The following ZFAND2A variants were observed in gnomAD, a reference collection of about 807,000 sequenced individuals.
ZFAND2A encodes the protein AN1-type zinc finger protein 2A.
A neutral mutation model predicts 11.6 loss-of-function variants in ZFAND2A; 20 were observed. The ratio of observed to expected loss-of-function variants is 1.72; its 90% CI spans 1.21 to 2.50. The LOEUF is 2.50. Ranked by LOEUF, ZFAND2A falls within the 30% of genes most tolerant of loss-of-function variation. ZFAND2A has a pLI of 0.00. For synonymous variants in ZFAND2A, 93 were observed against 60.6 expected, an observed-to-expected ratio of 1.54 and a Z score of -2.48; for missense variants, 234 against 182.9, an observed-to-expected ratio of 1.28 and a Z score of -1.61.
chr7:1,152,828 A>G (rs1377712507), downstream of ZFAND2A: 15 of 653,758 alleles, frequency 2.3e-5, no homozygotes, highest in Non-Finnish European at 4.1e-5. Flanking sequence ...GAACTGTGAA[A>G]GAACCGATTT....
Position 1,155,545 on chromosome 7 carries a change from TGG to T in ZFAND2A, c.188_189del (p.Pro63HisfsTer15). 1 of 1,613,428 alleles carries T rather than the reference TGG, an allele frequency of 6.2e-7. No homozygotes were observed. Among genetic ancestry groups the T allele is most frequent in the Non-Finnish European group, 8.5e-7 (1 of 1,179,694 alleles). ...HVPVCPLCNTPIPVKKGQIPD... is the reference protein window; with the variant it reads ...HVPVCPLCNTXIPVKKGQIPD... Reference sequence around the variant, plus strand: ...GGTATCTGGCCCTTTTTTACTGGGATGGGGGTATTACAGAGTGGGCATACTGG... The same window carrying T: ...GGTATCTGGCCCTTTTTTACTGGGATGGGTATTACAGAGTGGGCATACTGG... On this transcript the variant is annotated frameshift_variant, in exon 4 of 5. Coordinates refer to ENST00000316495, the MANE Select transcript of ZFAND2A (RefSeq NM_182491.4). LOFTEE classifies it high-confidence loss of function.
rs547020961 is a variant in ZFAND2A, at chr7:1,160,120, C to G, written c.-202G>C. 3 of 152,848 alleles carry G rather than the reference C, an allele frequency of 2.0e-5. No homozygotes were observed. The highest frequency in any genetic ancestry group is 3.9e-4 in the East Asian group (2 of 5,182). 9.5% of individuals were successfully genotyped at this position (152,848 alleles called of 1,614,324 possible). On this transcript the variant is annotated 5_prime_UTR_variant, in exon 1 of 5. Transcript: ENST00000316495. Reference sequence around the variant, plus strand: ...GTCGGAGGCACACCCACACCCACACCGGAACGCAACATCTCGCTGCCCGCG... The same window carrying G: ...GTCGGAGGCACACCCACACCCACACGGGAACGCAACATCTCGCTGCCCGCG...
At position 1,155,464 on chromosome 7, in the gene ZFAND2A, T is replaced by C. The variant is rs1284909770; in HGVS notation, c.271A>G (p.Lys91Glu). The change falls in exon 4 of 5, where the codon AAG (lysine) becomes GAG (glutamate). Residue 91 changes from lysine (K) to glutamate (E), a missense_variant. Physicochemically the swap from Lys to Glu is moderately conservative, Grantham distance 56. Transcript: ENST00000316495. The stretch of plus-strand genomic sequence containing the variant: ...GGCTCTGTCCTTACCTTCTCTTTCT[T>C]CTTCCCAGGGTGAGAGTCACAGTCT... ...DRDCDSHPGK[K>E]KEKIFTYRCS... 6.2e-7 allele frequency: 1 copy of C among 1,613,678 alleles called. No individual in the cohort carries two copies. Among genetic ancestry groups the C allele is most frequent in the Non-Finnish European group, 8.5e-7 (1 of 1,179,788 alleles).
chr7:1,149,727 T>C (rs1399881537), downstream of ZFAND2A, among the ~76,000 whole-genome samples: 1 of 152,234 alleles, frequency 6.6e-6, no homozygotes, highest in African/African-American at 2.4e-5. Context: ...CGCTGAATGC[T>C]GTAGGCCACT....
At chr7:1,154,722 T>C (rs1793481419) in intron 4 of ZFAND2A, among the ~76,000 whole-genome samples, 1 of 152,208 alleles carries the variant, frequency 6.6e-6, no homozygotes, top group Non-Finnish European at 1.5e-5. Context: ...TTTATGGTAA[T>C]ATAACTGTAA....
intron 2 of ZFAND2A, 54 bp downstream of exon 2, chr7:1,158,104 C>T: frequency 6.4e-7 from 1 of 1,551,142 alleles, no homozygotes; most frequent in Non-Finnish European, 8.9e-7. Flanking sequence ...ACAGAACAGC[C>T]AGCTTTCCCC....
In ZFAND2A at chr7:1,155,352, T is replaced by A. The variant is rs1793497009; in HGVS notation, c.282+101A>T. ...GTTAGGACTCTTCTTTTCTACTTTG[T>A]ACATAAACTATTGGGAGTAATTTTC... On this transcript the variant is annotated intron_variant, in intron 4 of 4. Coordinates refer to ENST00000316495, the MANE Select transcript of ZFAND2A (RefSeq NM_182491.4). 2.0e-6 allele frequency: 3 copies of A among 1,511,994 alleles called. 1 individual carries two copies. Among genetic ancestry groups the A allele is most frequent in the South Asian group, 2.5e-5 (2 of 78,650 alleles). 93.7% of individuals were successfully genotyped at this position (1,511,994 alleles called of 1,614,324 possible). A position where few individuals can be genotyped will look rare whatever the true frequency, so the allele number is the denominator to read the frequency against.
chr7:1,151,545 TTGTG>T (rs1793397935), downstream of ZFAND2A, among the ~76,000 whole-genome samples: 4 of 151,896 alleles, frequency 2.6e-5, no homozygotes, highest in Admixed American at 2.0e-4. Context: ...CCGGCCTAGT[TTGTG>T]TATTTCAGTG....
chr7:1,153,643 T>G (rs1236221874), intron 4 of ZFAND2A, among the ~76,000 whole-genome samples: 3 of 152,220 alleles, frequency 2.0e-5, no homozygotes, highest in Non-Finnish European at 4.4e-5. Context: ...ACCATCTCAG[T>G]GCAGGTAAGA....
intron 4 of ZFAND2A, among the ~76,000 whole-genome samples, chr7:1,155,238 C>T (rs1193575753): frequency 1.3e-5 from 2 of 152,134 alleles, no homozygotes; most frequent in Non-Finnish European, 1.5e-5. Context: ...TCAAGAAAGA[C>T]GAACCTGACC....
At chr7:1,154,671 A>G (rs556286120) in intron 4 of ZFAND2A, among the ~76,000 whole-genome samples, 42 of 152,308 alleles carry the variant, frequency 2.8e-4, no homozygotes, top group South Asian at 6.2e-4. Flanking sequence ...ACTAAGGAAC[A>G]CTGATTTTAT....
chr7:1,151,351 C>A (rs1180370731), downstream of ZFAND2A, among the ~76,000 whole-genome samples: 1 of 151,406 alleles, frequency 6.6e-6, no homozygotes, highest in Non-Finnish European at 1.5e-5. Flanking sequence ...GGACAAGAAC[C>A]CTCGGCCAGG....
intron 3 of ZFAND2A, 155 bp from the exon 4 acceptor site, chr7:1,155,739 G>T: frequency 1.1e-6 from 1 of 902,002 alleles, no homozygotes; most frequent in Non-Finnish European, 1.6e-6. Flanking sequence ...ACTGGGTCAT[G>T]GATTAGCGGC....
At chr7:1,154,531 T>C (rs747112731) in intron 4 of ZFAND2A, among the ~76,000 whole-genome samples, 22 of 152,262 alleles carry the variant, frequency 1.4e-4, no homozygotes, top group Non-Finnish European at 2.8e-4. Flanking sequence ...CAGAGAGCTG[T>C]GATGTCTCAG....
chr7:1,158,659 A>G (rs534767364), intron 1 of ZFAND2A, among the ~76,000 whole-genome samples: 42 of 151,434 alleles, frequency 2.8e-4, no homozygotes, highest in Non-Finnish European at 5.9e-4. Context: ...TCCATTATCC[A>G]GAGAAGATTT....
chr7:1,156,183 A>G lies in ZFAND2A; in HGVS notation c.151-599T>C, dbSNP rs555639851. Among the ~76,000 whole-genome samples, 6 of 119,808 alleles carry G rather than the reference A, an allele frequency of 5.0e-5. No individual in the cohort carries two copies. The East Asian group carries it at 1.5e-3, about 30-fold the overall frequency. The allele number at this position is 119,808 out of a possible 152,430, so 78.6% of individuals were successfully genotyped here. A position where few individuals can be genotyped will look rare whatever the true frequency, so the allele number is the denominator to read the frequency against. On this transcript the variant is annotated intron_variant, in intron 3 of 4. Coordinates refer to ENST00000316495, the MANE Select transcript of ZFAND2A (RefSeq NM_182491.4). ...ACTGCCCAGCAGCTGAAGGCCCAGC[A>G]AGGCTAAAAACCTGAGCTGGGGGCT...
Position 1,157,689 on chromosome 7 carries a change from G to T in ZFAND2A, c.117C>A (p.Tyr39Ter). Residue 39 changes from tyrosine to a stop codon, truncating the protein, a stop_gained, in exon 3 of 5, where the codon TAC becomes TAA. Coordinates refer to ENST00000316495, the MANE Select transcript of ZFAND2A (RefSeq NM_182491.4). LOFTEE classifies it high-confidence loss of function. ...ATGCAAACGGACACTTATGTGCAGCGTATGGAAAATGATCTTTACAGAAAT... is the reference window on the plus strand; with the variant it reads ...ATGCAAACGGACACTTATGTGCAGCTTATGGAAAATGATCTTTACAGAAAT... Reference protein sequence around the residue: ...KQDFCKDHFPYAAHKCPFAFQ... With the variant: ...KQDFCKDHFP The T allele has an allele frequency of 6.4e-7, 1 of 1,568,404 alleles. No individual in the cohort carries two copies.
At position 1,152,945 on chromosome 7, in the gene ZFAND2A, C is replaced by T. The variant is rs1250481840; in HGVS notation, c.*124G>A. ...TCAATTTTATTATAGTCCCATCTCC[C>T]TCAACAAACAAGATCAGCAGCCAGT... On this transcript the variant is annotated 3_prime_UTR_variant, in exon 5 of 5. Transcript: ENST00000316495. The T allele has an allele frequency of 1.5e-6, 2 of 1,345,170 alleles. No homozygotes were observed. The highest frequency in any genetic ancestry group is 2.5e-5 in the East Asian group (1 of 40,112). 83.3% of individuals were successfully genotyped at this position (1,345,170 alleles called of 1,614,324 possible).
intron 2 of ZFAND2A, 130 bp from the exon 3 acceptor site, chr7:1,157,880 T>A (rs1157795948): frequency 1.3e-6 from 1 of 763,396 alleles, no homozygotes; most frequent in African/African-American, 1.8e-5. Context: ...GGGCCACACA[T>A]GTGAAAACAA....
Sources: gnomAD v4.1 joint callset for allele counts (sites outside exome capture counted in the v4.1 genomes callset) on GRCh38, gnomAD v4.1.1 for gene constraint, MANE v1.5 for transcripts, NCBI Gene and HGNC (gene_info 2026-07-23, HGNC 2026-07-21) for gene names.